The following THEMIS variants were observed in gnomAD, a reference collection of about 807,000 sequenced individuals.
The protein encoded by THEMIS is thymocyte selection associated, also known as protein THEMIS.
THEMIS carries 37 observed loss-of-function variants against 52.6 expected under a neutral mutation model. That is an observed-to-expected ratio of 0.70 (90% CI 0.54 to 0.93). The LOEUF (loss-of-function observed/expected upper bound fraction) is 0.93, where lower values mean the gene tolerates loss of function less well. Among genes scored for constraint, THEMIS ranks in the 40% least tolerant of loss-of-function variants. The pLI, the probability that THEMIS is intolerant of heterozygous loss-of-function variation, is 0.00. For synonymous variants in THEMIS, 292 were observed against 272.7 expected (o/e 1.07, Z -0.70); for missense variants, 808 against 763.1 (o/e 1.06, Z -0.69).
chr6:127,834,019 A>AT (rs914500616), intron 2 of THEMIS, among the ~76,000 whole-genome samples: 4 of 152,228 alleles, frequency 2.6e-5, no homozygotes, highest in African/African-American at 9.6e-5. Flanking sequence ...GAGTCTCCAG[A>AT]TTTTGGTGTC....
At chr6:127,752,720 G>A (rs1184645570) in intron 4 of THEMIS, among the ~76,000 whole-genome samples, 1 of 151,636 alleles carries the variant, frequency 6.6e-6, no homozygotes, top group African/African-American at 2.4e-5. Flanking sequence ...GGACCTGAAG[G>A]CTTTACTGGT....
chr6:127,744,437 C>T (rs1027008290), intron 4 of THEMIS, among the ~76,000 whole-genome samples: 4 of 151,736 alleles, frequency 2.6e-5, no homozygotes, highest in African/African-American at 4.8e-5. Context: ...ATATGTCCAT[C>T]GACAGAAGAA....
chr6:127,784,873 G>C (rs2114495800), intron 4 of THEMIS, among the ~76,000 whole-genome samples: 1 of 152,212 alleles, frequency 6.6e-6, no homozygotes, highest in Admixed American at 6.5e-5. Context: ...TCTAACAACT[G>C]AAAGAGCCCT....
intron 1 of THEMIS, among the ~76,000 whole-genome samples, chr6:127,879,089 T>C (rs1780399403): frequency 6.6e-6 from 1 of 152,174 alleles, no homozygotes; most frequent in African/African-American, 2.4e-5. Flanking sequence ...GATGTCAATT[T>C]AGGAAAAAAA....
intron 4 of THEMIS, among the ~76,000 whole-genome samples, chr6:127,769,917 C>A (rs577542866): frequency 1.1e-4 from 16 of 152,290 alleles, no homozygotes; most frequent in African/African-American, 3.6e-4. Flanking sequence ...ATGATGGTTT[C>A]CAGCTTCATC....
intron 4 of THEMIS, among the ~76,000 whole-genome samples, chr6:127,778,614 G>T (rs1776640951): frequency 1.3e-5 from 2 of 152,104 alleles, no homozygotes; most frequent in South Asian, 4.1e-4. Context: ...AAAGCAGGCA[G>T]ACATCCTAAG....
downstream of THEMIS, among the ~76,000 whole-genome samples, chr6:127,705,335 A>G (rs1773784458): frequency 6.6e-6 from 1 of 152,234 alleles, no homozygotes; most frequent in Non-Finnish European, 1.5e-5. Context: ...TACTTGCACA[A>G]TGGACTCATG....
chr6:127,824,316 C>G (rs1406955070), intron 3 of THEMIS, among the ~76,000 whole-genome samples: 1 of 152,078 alleles, frequency 6.6e-6, no homozygotes, highest in Non-Finnish European at 1.5e-5. Flanking sequence ...TCTGTCCCCA[C>G]GTAGCTCCAA....
rs1257072211 is a variant in THEMIS, at chr6:127,733,384, G to A, written c.1759-13561C>T. Among the ~76,000 whole-genome samples the A allele has an allele frequency of 3.3e-5, 5 of 152,260 alleles. No homozygotes were observed. The East Asian group carries it at 5.8e-4, about 18-fold the overall frequency. ...ATTCTAAAAATTGCTTGTCCATCTT[G>A]TGAGATTTGGTTTTGTTTAAACTAG... On this transcript the variant is annotated intron_variant, in intron 4 of 5. Coordinates refer to ENST00000368248, the MANE Select transcript of THEMIS (RefSeq NM_001010923.3).
chr6:127,814,189 C>T (rs1438078907), intron 3 of THEMIS, among the ~76,000 whole-genome samples: 1 of 152,172 alleles, frequency 6.6e-6, no homozygotes, highest in Non-Finnish European at 1.5e-5. Flanking sequence ...AGGGAACCTC[C>T]TCAAAATCAT....
At chr6:127,772,553 C>T (rs1776422975) in intron 4 of THEMIS, among the ~76,000 whole-genome samples, 1 of 152,040 alleles carries the variant, frequency 6.6e-6, no homozygotes, top group Non-Finnish European at 1.5e-5. Context: ...AGTTTAATTG[C>T]TTAAAAATCA....
At chr6:127,763,453 C>T (rs1278091635) in intron 4 of THEMIS, among the ~76,000 whole-genome samples, 5 of 151,884 alleles carry the variant, frequency 3.3e-5, no homozygotes, top group African/African-American at 1.2e-4. Context: ...GGTGTTTCTG[C>T]CCAACTCTAG....
chr6:127,826,220 G>A (rs548350972), intron 3 of THEMIS, among the ~76,000 whole-genome samples: 2 of 152,266 alleles, frequency 1.3e-5, no homozygotes, highest in East Asian at 3.9e-4. Flanking sequence ...TGGCCCTCGT[G>A]TCAAGGGCAT....
upstream of THEMIS, chr6:127,901,074 G>A (rs1583411823): frequency 2.9e-6 from 2 of 687,104 alleles, no homozygotes; most frequent in Admixed American, 4.6e-5. Context: ...GAGTGGGGTG[G>A]AGTAGCTCTA....
chr6:127,732,450 C>G (rs920470646), intron 4 of THEMIS, among the ~76,000 whole-genome samples: 1 of 152,106 alleles, frequency 6.6e-6, no homozygotes, highest in Non-Finnish European at 1.5e-5. Flanking sequence ...GGACACAGCT[C>G]AATGACTTGA....
At chr6:127,897,894 G>T (rs1319399188) in intron 1 of THEMIS, among the ~76,000 whole-genome samples, 1 of 151,528 alleles carries the variant, frequency 6.6e-6, no homozygotes, top group African/African-American at 2.4e-5. Flanking sequence ...ATTGGCAGTA[G>T]AATTAATACA....
intron 4 of THEMIS, among the ~76,000 whole-genome samples, chr6:127,731,410 G>A (rs1409420565): frequency 6.6e-6 from 1 of 151,794 alleles, no homozygotes. Context: ...GAACTCTCAT[G>A]CAACTTATAG....
intron 4 of THEMIS, among the ~76,000 whole-genome samples, chr6:127,745,307 G>C (rs976721619): frequency 2.0e-5 from 3 of 151,746 alleles, no homozygotes; most frequent in African/African-American, 7.2e-5. Flanking sequence ...GCTTTATAGA[G>C]AAAAATTAGA....
chr6:127,725,568 A>T (rs564461), intron 4 of THEMIS, among the ~76,000 whole-genome samples: 1 of 151,920 alleles, frequency 6.6e-6, no homozygotes, highest in African/African-American at 2.4e-5. Context: ...ATCATTGTGC[A>T]TTATAAAGGT....
Sources: gnomAD v4.1 joint callset for allele counts (sites outside exome capture counted in the v4.1 genomes callset) on GRCh38, gnomAD v4.1.1 for gene constraint, MANE v1.5 for transcripts, NCBI Gene and HGNC (gene_info 2026-07-23, HGNC 2026-07-21) for gene names.